Variants in SGCD observed in about 807,000 individuals in gnomAD.
The protein encoded by SGCD is sarcoglycan delta.
In SGCD, 18 loss-of-function variants were observed where a neutral mutation model predicts 36.6. That is an observed-to-expected ratio of 0.49 (90% CI 0.34 to 0.73). SGCD has a LOEUF of 0.73. SGCD is among the 30% of genes least tolerant of loss of function. The pLI is 0.01. For synonymous variants in SGCD, 133 were observed against 130.6 expected, an observed-to-expected ratio of 1.02 and a Z score of -0.12; for missense variants, 387 against 346.7, an observed-to-expected ratio of 1.12 and a Z score of -0.92.
At position 156,059,952 on chromosome 5, in the gene SGCD, G is replaced by A. The variant is rs139572972; in HGVS notation, c.-281-57926G>A. On this transcript the variant is annotated intron_variant, in intron 1 of 9. Transcript: ENST00000517913. Reference sequence around the variant, plus strand: ...ACTGTTCTCACAAAAGTGCTGAGGTGTTCTCAGTCCATCAGTTGTCTTTAT... The same window carrying A: ...ACTGTTCTCACAAAAGTGCTGAGGTATTCTCAGTCCATCAGTTGTCTTTAT... Among the ~76,000 whole-genome samples, 365 of 146,628 alleles carry A rather than the reference G, an allele frequency of 2.5e-3. 26 individuals are homozygous for A. Among genetic ancestry groups the A allele is most frequent in the African/African-American group, 5.6e-3 (230 of 40,840 alleles).
chr5:156,493,151 A>C (rs1016588311), intron 3 of SGCD, among the ~76,000 whole-genome samples: 2 of 152,178 alleles, frequency 1.3e-5, no homozygotes, highest in African/African-American at 4.8e-5. Context: ...TGTCTTCCAC[A>C]ATGGTTGAAA....
chr5:155,824,681 T>G, the SGCD span, among the ~76,000 whole-genome samples: 1 of 152,178 alleles, frequency 6.6e-6, no homozygotes, highest in Non-Finnish European at 1.5e-5. Flanking sequence ...CCAGGGTGCC[T>G]GATTGGCGAG....
intron 4 of SGCD, 135 bp from the exon 5 acceptor site, chr5:156,589,096 T>A: frequency 3.3e-6 from 2 of 606,126 alleles, no homozygotes; most frequent in South Asian, 4.1e-5. Context: ...CTTTAAACAT[T>A]TGGAGTTTTT....
chr5:155,953,546 A>G (rs1346614244), intron 1 of SGCD, among the ~76,000 whole-genome samples: 1 of 152,166 alleles, frequency 6.6e-6, no homozygotes, highest in Non-Finnish European at 1.5e-5. Flanking sequence ...CCATGAGGCC[A>G]GTAACTTTTG....
intron 1 of SGCD, among the ~76,000 whole-genome samples, chr5:155,997,967 G>A (rs560843429): frequency 6.3e-4 from 96 of 152,244 alleles, no homozygotes; most frequent in African/African-American, 2.1e-3. Context: ...TATTCATAGC[G>A]TAGATTATTT....
At chr5:156,270,484 G>A (rs1766148011) in intron 3 of SGCD, among the ~76,000 whole-genome samples, 1 of 152,124 alleles carries the variant, frequency 6.6e-6, no homozygotes, top group East Asian at 1.9e-4. Flanking sequence ...AATATCATAT[G>A]TTATAAATGA....
At chr5:156,254,425 T>A (rs1271718240) in intron 3 of SGCD, among the ~76,000 whole-genome samples, 1 of 152,246 alleles carries the variant, frequency 6.6e-6, no homozygotes, top group Non-Finnish European at 1.5e-5. Flanking sequence ...ATGCCATTTA[T>A]CAGGCTAAGA....
intron 1 of SGCD, among the ~76,000 whole-genome samples, chr5:156,101,738 C>T (rs1327946075): frequency 2.6e-5 from 4 of 152,046 alleles, no homozygotes; most frequent in African/African-American, 4.8e-5. Flanking sequence ...ACTCAAACTG[C>T]ATGGAAGTTC....
At chr5:155,759,356 T>A in the SGCD span, among the ~76,000 whole-genome samples, 1 of 152,220 alleles carries the variant, frequency 6.6e-6, no homozygotes, top group Non-Finnish European at 1.5e-5. Flanking sequence ...TCTCACCACC[T>A]TTTTTCTCTC....
chr5:156,095,833 C>G (rs1027647625), intron 1 of SGCD, among the ~76,000 whole-genome samples: 1 of 152,160 alleles, frequency 6.6e-6, no homozygotes, highest in Non-Finnish European at 1.5e-5. Flanking sequence ...CCTAATGGAA[C>G]AAAGCTCAGG....
the SGCD span, among the ~76,000 whole-genome samples, chr5:155,840,053 G>T: frequency 2.0e-5 from 3 of 150,832 alleles, no homozygotes; most frequent in African/African-American, 7.3e-5. Flanking sequence ...GTTTACCAAA[G>T]AAATGATATT....
intron 1 of SGCD, among the ~76,000 whole-genome samples, chr5:155,919,119 G>A (rs113056233): frequency 2.0e-3 from 297 of 152,296 alleles, no homozygotes; most frequent in Admixed American, 2.4e-3. Context: ...GAATTGACAG[G>A]CATCGAGAAA....
chr5:156,416,397 T>C (rs1231291139), intron 3 of SGCD, among the ~76,000 whole-genome samples: 2 of 152,144 alleles, frequency 1.3e-5, no homozygotes, highest in African/African-American at 4.8e-5. Context: ...GATAAAAGAC[T>C]ACACGTTGGG....
chr5:155,951,773 G>A (rs933603279), intron 1 of SGCD, among the ~76,000 whole-genome samples: 1 of 152,106 alleles, frequency 6.6e-6, no homozygotes, highest in African/African-American at 2.4e-5. Flanking sequence ...GATACATTTG[G>A]GTTAGGGTCT....
chr5:156,377,461 T>C (rs963254740), intron 3 of SGCD, among the ~76,000 whole-genome samples: 17 of 152,176 alleles, frequency 1.1e-4, no homozygotes, highest in Admixed American at 5.9e-4. Flanking sequence ...AAAGTAATGA[T>C]TTGTTATAAT....
intron 3 of SGCD, among the ~76,000 whole-genome samples, chr5:156,504,213 A>C (rs909882852): frequency 6.6e-6 from 1 of 151,850 alleles, no homozygotes; most frequent in Non-Finnish European, 1.5e-5. Flanking sequence ...GTCTCAAAAA[A>C]AAAAAAAAAT....
chr5:156,397,647 G>A (rs1399772126), intron 3 of SGCD, among the ~76,000 whole-genome samples: 1 of 152,204 alleles, frequency 6.6e-6, no homozygotes, highest in Non-Finnish European at 1.5e-5. Context: ...AGATTAACAT[G>A]TGGGAAAAGC....
At chr5:156,029,374 ACACT>A (rs1759293353) in intron 1 of SGCD, among the ~76,000 whole-genome samples, 1 of 152,188 alleles carries the variant, frequency 6.6e-6, no homozygotes, top group South Asian at 2.1e-4. Context: ...ACACACAAAC[ACACT>A]CACTCACCCT....
chr5:156,126,362 C>T (rs1464997699), intron 3 of SGCD, among the ~76,000 whole-genome samples: 1 of 152,122 alleles, frequency 6.6e-6, no homozygotes, highest in Non-Finnish European at 1.5e-5. Context: ...TAGATGCCAG[C>T]TACTTACAAC....
Sources: allele counts gnomAD v4.1 joint callset (sites outside exome capture counted in the v4.1 genomes callset), GRCh38; gene constraint gnomAD v4.1.1; transcripts MANE v1.5; gene names NCBI Gene and HGNC (gene_info 2026-07-23, HGNC 2026-07-21).